Variants in SPACA6 observed in about 807,000 individuals in gnomAD.
SPACA6 encodes the protein sperm acrosome membrane-associated protein 6.
For synonymous variants in SPACA6, 6 were observed against 1.5 expected, an observed-to-expected ratio of 4.05 and a Z score of -2.21; for missense variants, 8 against 2.8, an observed-to-expected ratio of 2.88 and a Z score of -1.34.
downstream of SPACA6, among the ~76,000 whole-genome samples, chr19:51,707,738 C>T (rs2083522771): frequency 6.6e-6 from 1 of 152,230 alleles, no homozygotes; most frequent in African/African-American, 2.4e-5. Context: ...ACACCAGTCG[C>T]AAGCCAGGGG....
At chr19:51,707,133 C>G (rs1599786127), downstream of SPACA6, among the ~76,000 whole-genome samples, 1 of 152,206 alleles carries the variant, frequency 6.6e-6, no homozygotes, top group South Asian at 2.1e-4. Context: ...CTGTAGAGAT[C>G]CCAATGAAGA....
rs552881060 is a variant in SPACA6 at position 51,702,666 on chromosome 19, C to G, written c.385+14C>G. ...TCCCTCCCTGCGGTAAGGACTTCAT[C>G]TAAAACTTGGAAATTGCGGGGTAAG... On this transcript the variant is annotated intron_variant, in intron 4 of 8. Transcript: ENST00000637797. 2 of 399,232 alleles carry G rather than the reference C, an allele frequency of 5.0e-6. No individual in the cohort carries two copies. The highest frequency in any genetic ancestry group is 4.1e-5 in the African/African-American group (2 of 48,758). 24.7% of individuals were successfully genotyped at this position (399,232 alleles called of 1,614,324 possible). A position where few individuals can be genotyped will look rare whatever the true frequency, so the allele number is the denominator to read the frequency against.
chr19:51,684,498 A>G (rs139500889), upstream of SPACA6, among the ~76,000 whole-genome samples: 155 of 152,290 alleles, frequency 1.0e-3, no homozygotes, highest in African/African-American at 3.6e-3. Context: ...CACTTCCCCC[A>G]GCCCAGACCC....
chr19:51,695,453 A>G (rs2083422847), intron 2 of SPACA6, among the ~76,000 whole-genome samples: 1 of 152,074 alleles, frequency 6.6e-6, no homozygotes, highest in African/African-American at 2.4e-5. Context: ...TTATTCCCAC[A>G]CCCACAGTCG....
In SPACA6 at chr19:51,704,462, G is replaced by A. The variant is rs2083498722; in HGVS notation, c.923G>A (p.Ser308Asn). 1.0e-5 allele frequency: 4 copies of A among 401,184 alleles called. No homozygotes were observed. In the East Asian group the frequency reaches 1.4e-4, roughly 14 times the overall value. 24.9% of individuals were successfully genotyped at this position (401,184 alleles called of 1,614,324 possible). ...GTCCTCGGGGCCCTCGCATCAGCGA[G>A]TGCGACAGTGTTGGCGTGGTGAGTT... ...LAVLGALASA[S>N]ATVLAWMFFR... The change falls in exon 8 of 9, where the codon AGT becomes AAT. Residue 308 changes from serine (S) to asparagine (N), a missense_variant. By Grantham distance (46) the Ser-to-Asn change is conservative. Transcript: ENST00000637797.
At chr19:51,708,204 G>A (rs117406907), downstream of SPACA6, among the ~76,000 whole-genome samples, 1 of 152,096 alleles carries the variant, frequency 6.6e-6, no homozygotes, top group East Asian at 1.9e-4. Context: ...AAACGATGCT[G>A]TTATCACCCA....
At chr19:51,692,552 G>A (rs936608758), upstream of SPACA6, 8 of 489,138 alleles carry the variant, frequency 1.6e-5, no homozygotes, top group Admixed American at 1.0e-4. This position sits in a 1 kb window ranked among gnomAD's most constrained non-coding sequence, Gnocchi z 5.6. Flanking sequence ...AAGGGGCTGA[G>A]GGCCTGGACT....
chr19:51,695,902 C>T (rs2083427797), intron 2 of SPACA6, among the ~76,000 whole-genome samples: 1 of 152,154 alleles, frequency 6.6e-6, no homozygotes, highest in Admixed American at 6.5e-5. Flanking sequence ...GCATAGAGAA[C>T]AGCATCTGAG....
At chr19:51,708,268 C>T (rs527282848), downstream of SPACA6, among the ~76,000 whole-genome samples, 1 of 152,278 alleles carries the variant, frequency 6.6e-6, no homozygotes, top group East Asian at 1.9e-4. Context: ...GCCCACATCA[C>T]TCCAGAAAGT....
Position 51,704,320 on chromosome 19 carries a change from G to T in SPACA6, c.781G>T (p.Glu261Ter). Reference protein sequence around the residue: ...AETELQASFREVLRWAPRDAE... With the variant: ...AETELQASFR ...GACAGAGTTGCAGGCCTCGTTCCGG[G>T]AAGTGCTGCGCTGGGCGCCGCGGGA... is the stretch of plus-strand genomic sequence containing the variant. The change falls in exon 8 of 9, where the codon GAA becomes TAA. Residue 261 changes from glutamate to a stop codon, truncating the protein, a stop_gained. Transcript: ENST00000637797. LOFTEE classifies it high-confidence loss of function. 1 of 400,882 alleles carries T rather than the reference G, an allele frequency of 2.5e-6. No individual in the cohort carries two copies. Among genetic ancestry groups the T allele is most frequent in the Non-Finnish European group, 4.4e-6 (1 of 226,114 alleles). 24.8% of individuals were successfully genotyped at this position (400,882 alleles called of 1,614,324 possible).
downstream of SPACA6, among the ~76,000 whole-genome samples, chr19:51,710,157 A>G (rs1460267798): frequency 1.3e-5 from 2 of 152,232 alleles, no homozygotes; most frequent in Admixed American, 6.5e-5. Context: ...TTCCTGCTCT[A>G]TGACAACAGC....
intron 7 of SPACA6, 25 bp from the exon 8 acceptor site, chr19:51,704,245 C>T: frequency 5.0e-6 from 2 of 400,768 alleles, no homozygotes; most frequent in Non-Finnish European, 4.4e-6. Flanking sequence ...GGGCTCGTGC[C>T]TGGCTGACGT....
chr19:51,707,674 G>A (rs10422727), downstream of SPACA6, among the ~76,000 whole-genome samples: 12,011 of 152,142 alleles, frequency 0.079, 596 homozygotes, highest in African/African-American at 0.14. Context: ...CAGGGTTAGC[G>A]TCGCACTACA....
At chr19:51,683,565 C>T in the SPACA6 span, among the ~76,000 whole-genome samples, 2 of 152,082 alleles carry the variant, frequency 1.3e-5, no homozygotes, top group Non-Finnish European at 2.9e-5. Flanking sequence ...GGAAAGAATA[C>T]AGTAAAAATA....
intron 2 of SPACA6, among the ~76,000 whole-genome samples, chr19:51,710,896 A>G (rs1242810885): frequency 1.3e-5 from 2 of 152,156 alleles, no homozygotes; most frequent in African/African-American, 2.4e-5. Flanking sequence ...CCTGGCCAAC[A>G]TGGTGAAACC....
At chr19:51,685,226 G>C (rs1176003921), upstream of SPACA6, 1 of 152,188 alleles carries the variant, frequency 6.6e-6, no homozygotes, top group Non-Finnish European at 1.5e-5. Flanking sequence ...TGGAACTTGA[G>C]TTTCAGCAGT....
chr19:51,690,603 G>T (rs919987929), upstream of SPACA6, among the ~76,000 whole-genome samples: 1 of 152,132 alleles, frequency 6.6e-6, no homozygotes, highest in African/African-American at 2.4e-5. Flanking sequence ...TCCGCAGAGA[G>T]GGGGAGGGGG....
chr19:51,709,969 C>T (rs1219406171), downstream of SPACA6, among the ~76,000 whole-genome samples: 2 of 152,200 alleles, frequency 1.3e-5, no homozygotes, highest in South Asian at 2.1e-4. Flanking sequence ...AGATCTGCAC[C>T]GTCCAGTAGC....
chr19:51,708,061 AC>A (rs2083524295), downstream of SPACA6, among the ~76,000 whole-genome samples: 1 of 152,168 alleles, frequency 6.6e-6, no homozygotes, highest in Admixed American at 6.5e-5. Flanking sequence ...CTTAGTCTCC[AC>A]CCCTTTTTCC....
Sources: allele counts gnomAD v4.1 joint callset (sites outside exome capture counted in the v4.1 genomes callset), GRCh38; gene constraint gnomAD v4.1.1; non-coding constraint Gnocchi (gnomAD v3.1); transcripts MANE v1.5; gene names NCBI Gene and HGNC (gene_info 2026-07-23, HGNC 2026-07-21).